CCSER1: variants seen among roughly 807,000 people sequenced by gnomAD.
The protein encoded by CCSER1 is serine-rich coiled-coil domain-containing protein 1.
In CCSER1, 41 loss-of-function variants were observed where a neutral mutation model predicts 82.0. The ratio of observed to expected loss-of-function variants is 0.50; its 90% CI spans 0.39 to 0.65. CCSER1 has a LOEUF of 0.65. CCSER1 is among the 30% of genes least tolerant of loss of function. The pLI, the probability that CCSER1 is intolerant of heterozygous loss-of-function variation, is 0.00. For synonymous variants in CCSER1, 414 were observed against 383.9 expected (o/e 1.08, Z -0.92); for missense variants, 1,119 against 1,064.2 (o/e 1.05, Z -0.72).
At chr4:90,159,816 G>A (rs1256224507) in intron 1 of CCSER1, among the ~76,000 whole-genome samples, 1 of 152,138 alleles carries the variant, frequency 6.6e-6, no homozygotes, top group Non-Finnish European at 1.5e-5. Context: ...TGCCATAATA[G>A]TAAATAGTGC....
rs576500992 is a variant in CCSER1 at position 91,160,755 on chromosome 4, G to GT, written c.2217+74769dup. Among the ~76,000 whole-genome samples the GT allele has an allele frequency of 4.7e-3, 709 of 150,434 alleles. 3 individuals are homozygous for GT. Among genetic ancestry groups the GT allele is most frequent in the African/African-American group, 0.015 (604 of 40,604 alleles). ...TTTTGATGTTGTTGTTGTTGTTGTT[G>GT]TTTTTTTTGTAAATTTGTTTAAGTT... On this transcript the variant is annotated intron_variant, in intron 10 of 10. Coordinates refer to ENST00000509176, the MANE Select transcript of CCSER1 (RefSeq NM_001145065.2).
intron 7 of CCSER1, among the ~76,000 whole-genome samples, chr4:90,806,695 T>A (rs1361708230): frequency 6.6e-6 from 1 of 152,026 alleles, no homozygotes; most frequent in Non-Finnish European, 1.5e-5. Context: ...CATGAGGCAC[T>A]CCCCAACCAA....
At chr4:91,593,547 C>T (rs4577542) in intron 10 of CCSER1, among the ~76,000 whole-genome samples, 1 of 131,786 alleles carries the variant, frequency 7.6e-6, no homozygotes, top group Middle Eastern at 5.4e-3. Flanking sequence ...CTCTTGACCT[C>T]GTGATCCGCC....
chr4:90,494,013 G>C (rs1229627546), intron 5 of CCSER1, among the ~76,000 whole-genome samples: 1 of 152,150 alleles, frequency 6.6e-6, no homozygotes, highest in Non-Finnish European at 1.5e-5. Flanking sequence ...CTGTATTCAG[G>C]AGACCCATCT....
chr4:90,284,132 G>A (rs1421096023), intron 1 of CCSER1, among the ~76,000 whole-genome samples: 1 of 151,984 alleles, frequency 6.6e-6, no homozygotes, highest in East Asian at 1.9e-4. Context: ...TCTGAGAAAT[G>A]TCTGTTCATT....
At chr4:90,814,561 T>C (rs1223633966) in intron 7 of CCSER1, among the ~76,000 whole-genome samples, 1 of 152,188 alleles carries the variant, frequency 6.6e-6, no homozygotes, top group Non-Finnish European at 1.5e-5. Context: ...TTCCAATAAT[T>C]TGTTTTTGAA....
intron 5 of CCSER1, among the ~76,000 whole-genome samples, chr4:90,602,965 G>T (rs1263203210): frequency 6.6e-6 from 1 of 152,168 alleles, no homozygotes; most frequent in African/African-American, 2.4e-5. Flanking sequence ...AGGAGAGAGA[G>T]ACTTTAGCCT....
At chr4:91,111,112 A>G (rs1340223542) in intron 10 of CCSER1, among the ~76,000 whole-genome samples, 3 of 152,014 alleles carry the variant, frequency 2.0e-5, no homozygotes, top group Non-Finnish European at 4.4e-5. Context: ...GACAAGTTTC[A>G]TAATTTTAAA....
chr4:90,251,691 T>C (rs1198317403), intron 1 of CCSER1, among the ~76,000 whole-genome samples: 1 of 151,778 alleles, frequency 6.6e-6, no homozygotes, highest in South Asian at 2.1e-4. Context: ...TATAGGTGTA[T>C]TTAGAGTTTT....
At chr4:90,292,122 A>G (rs1011114665) in intron 1 of CCSER1, among the ~76,000 whole-genome samples, 3 of 151,976 alleles carry the variant, frequency 2.0e-5, no homozygotes, top group Admixed American at 2.0e-4. Flanking sequence ...ATCATATACC[A>G]GACATACTTT....
intron 1 of CCSER1, among the ~76,000 whole-genome samples, chr4:90,282,390 GTATC>G (rs1729025267): frequency 6.6e-6 from 1 of 151,358 alleles, no homozygotes; most frequent in Non-Finnish European, 1.5e-5. Flanking sequence ...GATATAGAAA[GTATC>G]TAATCCATCT....
At position 91,602,022 on chromosome 4, in the gene CCSER1, CTT is replaced by C. The variant is rs988029800; in HGVS notation, c.*2967_*2968del. The C allele has an allele frequency of 7.9e-5, 12 of 151,976 alleles. No individual in the cohort carries two copies. Among genetic ancestry groups the C allele is most frequent in the African/African-American group, 2.7e-4 (11 of 41,412 alleles). 9.4% of individuals were successfully genotyped at this position (151,976 alleles called of 1,614,324 possible). A position where few individuals can be genotyped will look rare whatever the true frequency, so the allele number is the denominator to read the frequency against. On this transcript the variant is annotated 3_prime_UTR_variant, in exon 11 of 11. Coordinates refer to ENST00000509176, the MANE Select transcript of CCSER1 (RefSeq NM_001145065.2). Reference sequence around the variant, plus strand: ...TTTTGCTTCTTTGGAGCACCATAGTCTTTGTTCAAATCACAACATGAAACTGT... The same window carrying C: ...TTTTGCTTCTTTGGAGCACCATAGTCTGTTCAAATCACAACATGAAACTGT...
At chr4:90,371,503 A>G (rs1392922958) in intron 3 of CCSER1, among the ~76,000 whole-genome samples, 2 of 152,020 alleles carry the variant, frequency 1.3e-5, no homozygotes, top group African/African-American at 4.8e-5. Flanking sequence ...ACATAATGAA[A>G]ATAAATAATA....
At chr4:90,882,604 G>A (rs1721501952) in intron 8 of CCSER1, among the ~76,000 whole-genome samples, 2 of 152,068 alleles carry the variant, frequency 1.3e-5, no homozygotes, top group Middle Eastern at 3.4e-3. Flanking sequence ...ACTAATTATA[G>A]TTAAAAGAGC....
intron 5 of CCSER1, among the ~76,000 whole-genome samples, chr4:90,544,715 A>G (rs1776538612): frequency 6.6e-6 from 1 of 151,914 alleles, no homozygotes; most frequent in Admixed American, 6.6e-5. Flanking sequence ...CCTAATTCCT[A>G]TTGTTAGAGT....
intron 9 of CCSER1, among the ~76,000 whole-genome samples, chr4:91,069,201 A>G (rs1372291992): frequency 1.3e-5 from 2 of 152,138 alleles, no homozygotes; most frequent in Admixed American, 1.3e-4. Context: ...TGATTTTCTA[A>G]AAGACAAGAA....
intron 8 of CCSER1, among the ~76,000 whole-genome samples, chr4:90,833,967 A>G (rs766879384): frequency 1.4e-4 from 22 of 152,122 alleles, no homozygotes; most frequent in Non-Finnish European, 3.2e-4. Flanking sequence ...GCCTTCCACC[A>G]TGGGGTGATG....
At chr4:90,532,875 T>G (rs557553687) in intron 5 of CCSER1, among the ~76,000 whole-genome samples, 19 of 152,192 alleles carry the variant, frequency 1.2e-4, no homozygotes, top group African/African-American at 3.6e-4. Flanking sequence ...TATCTTGGCT[T>G]TTTTGTATTC....
chr4:91,467,568 T>C (rs1483132102), intron 10 of CCSER1, among the ~76,000 whole-genome samples: 2 of 152,096 alleles, frequency 1.3e-5, no homozygotes, highest in African/African-American at 2.4e-5. Context: ...ACAGGCAACC[T>C]ACAGAATGGG....
Sources: allele counts gnomAD v4.1 joint callset (sites outside exome capture counted in the v4.1 genomes callset), GRCh38; gene constraint gnomAD v4.1.1; transcripts MANE v1.5; gene names NCBI Gene and HGNC (gene_info 2026-07-23, HGNC 2026-07-21).